Variants in SLC24A3 observed in about 807,000 individuals in gnomAD.
SLC24A3 encodes solute carrier family 24 member 3, also known as sodium/potassium/calcium exchanger 3.
In SLC24A3, 28 loss-of-function variants were observed where a neutral mutation model predicts 75.8. The ratio of observed to expected loss-of-function variants is 0.37; its 90% CI spans 0.27 to 0.51. The LOEUF (loss-of-function observed/expected upper bound fraction) is 0.51. SLC24A3 is among the 20% of genes least tolerant of loss of function. SLC24A3 has a pLI of 0.94. For synonymous variants in SLC24A3, 372 were observed against 334.1 expected (o/e 1.11, Z -1.24); for missense variants, 663 against 847.8 (o/e 0.78, Z 2.71).
In SLC24A3 at chr20:19,640,464, T is replaced by C. The variant is rs6046216; in HGVS notation, c.613-13598T>C. On this transcript the variant is annotated intron_variant, in intron 6 of 16. Coordinates refer to ENST00000328041, the MANE Select transcript of SLC24A3 (RefSeq NM_020689.4). ...TAACTGTAATTGTCAATATCATTTT[T>C]TAAGCAAAAATATTTTTTGTCACAC... Among the ~76,000 whole-genome samples, 526 of 152,292 alleles carry C rather than the reference T, an allele frequency of 3.5e-3. 3 individuals carry two copies. Among genetic ancestry groups the C allele is most frequent in the African/African-American group, 0.012 (508 of 41,558 alleles).
intron 9 of SLC24A3, among the ~76,000 whole-genome samples, chr20:19,677,785 T>C (rs1158811096): frequency 6.6e-6 from 1 of 150,488 alleles, no homozygotes; most frequent in Non-Finnish European, 1.5e-5. Flanking sequence ...AGGACAATAG[T>C]GGAGGGAAGG....
At chr20:19,257,572 C>A (rs1982852995) in intron 1 of SLC24A3, 1 of 152,212 alleles carries the variant, frequency 6.6e-6, no homozygotes, top group South Asian at 2.1e-4. Flanking sequence ...TGGGAAGCAT[C>A]TTTTTACCTT....
chr20:19,551,089 G>A (rs2122598974), intron 3 of SLC24A3, among the ~76,000 whole-genome samples: 1 of 152,340 alleles, frequency 6.6e-6, no homozygotes, highest in African/African-American at 2.4e-5. Context: ...TGGATTCAGA[G>A]GAGCCACTTC....
At position 19,212,922 on chromosome 20, in the gene SLC24A3, T is replaced by C. The variant is rs377191891; in HGVS notation, c.80T>C (p.Leu27Pro). The C allele has an allele frequency of 7.8e-5, 106 of 1,353,496 alleles. No individual in the cohort carries two copies. The highest frequency in any genetic ancestry group is 9.7e-5 in the Non-Finnish European group (102 of 1,049,010). 83.8% of individuals were successfully genotyped at this position (1,353,496 alleles called of 1,614,324 possible). A position where few individuals can be genotyped will look rare whatever the true frequency, so the allele number is the denominator to read the frequency against. ...RRRRDLLLSQ[L>P]CFLASVALLL... ...CGGAGGGACCTTCTGCTGAGCCAGCTCTGCTTCCTGGCCTCGGTGGCGCTG... is the reference window on the plus strand; with the variant it reads ...CGGAGGGACCTTCTGCTGAGCCAGCCCTGCTTCCTGGCCTCGGTGGCGCTG... Residue 27 changes from leucine to proline, a missense_variant, in exon 1 of 17, where the codon CTC (leucine) becomes CCC (proline). Transcript: ENST00000328041.
intron 2 of SLC24A3, among the ~76,000 whole-genome samples, chr20:19,415,656 A>T (rs867231606): frequency 6.6e-6 from 1 of 152,228 alleles, no homozygotes; most frequent in Middle Eastern, 3.4e-3. Flanking sequence ...AAAAAAAAAA[A>T]ACTGAATCTA....
chr20:19,433,697 G>A (rs1253236267), intron 2 of SLC24A3, among the ~76,000 whole-genome samples: 2 of 152,158 alleles, frequency 1.3e-5, no homozygotes, highest in Admixed American at 1.3e-4. Flanking sequence ...GGAGACAACT[G>A]CCACTGAAAA....
chr20:19,395,604 T>C (rs747355730), intron 2 of SLC24A3, among the ~76,000 whole-genome samples: 1 of 152,206 alleles, frequency 6.6e-6, no homozygotes, highest in African/African-American at 2.4e-5. Context: ...ACTCAAATAA[T>C]GACAATGAAA....
intron 6 of SLC24A3, among the ~76,000 whole-genome samples, chr20:19,603,443 C>T (rs185923120): frequency 4.0e-4 from 61 of 152,284 alleles, no homozygotes; most frequent in African/African-American, 1.3e-3. Context: ...GGTTGTTTGC[C>T]GGCTCTTGGT....
intron 9 of SLC24A3, among the ~76,000 whole-genome samples, chr20:19,681,561 C>G (rs2032615519): frequency 6.6e-6 from 1 of 152,166 alleles, no homozygotes; most frequent in Non-Finnish European, 1.5e-5. Flanking sequence ...GAGCTCAATC[C>G]CAGAGAGGCC....
chr20:19,642,086 C>T (rs888326894), intron 6 of SLC24A3, among the ~76,000 whole-genome samples: 1 of 152,098 alleles, frequency 6.6e-6, no homozygotes, highest in African/African-American at 2.4e-5. Context: ...AAAAAAAAGG[C>T]ATGTAAAGTG....
intron 1 of SLC24A3, among the ~76,000 whole-genome samples, chr20:19,228,811 TTTTA>T (rs1461409741): frequency 5.3e-5 from 8 of 152,176 alleles, no homozygotes; most frequent in Non-Finnish European, 1.2e-4. Flanking sequence ...TGATGCTGGA[TTTTA>T]TTTATTTGCA....
chr20:19,597,672 T>C (rs560233119), intron 6 of SLC24A3, among the ~76,000 whole-genome samples: 10 of 152,298 alleles, frequency 6.6e-5, no homozygotes, highest in African/African-American at 2.4e-4. Flanking sequence ...ACTTATTCTT[T>C]TTACCTAATT....
rs147994560 is a variant in SLC24A3, at chr20:19,719,803, C to T, written c.1786-1188C>T. ...ACTGAAGGGCTATGGCTTAGCCAAG[C>T]AAGGACAACCAAGCAAGAGAGAGGC... On this transcript the variant is annotated intron_variant, in intron 16 of 16. Coordinates refer to ENST00000328041, the MANE Select transcript of SLC24A3 (RefSeq NM_020689.4). Among the ~76,000 whole-genome samples, 896 of 152,218 alleles carry T rather than the reference C, an allele frequency of 5.9e-3. 11 individuals carry two copies. The highest frequency in any genetic ancestry group is 0.024 in the Middle Eastern group (7 of 294).
intron 9 of SLC24A3, among the ~76,000 whole-genome samples, chr20:19,680,586 C>T (rs768081334): frequency 3.3e-5 from 5 of 152,188 alleles, no homozygotes; most frequent in Admixed American, 6.5e-5. Flanking sequence ...TTCTACGCTT[C>T]GTGTCTTATG....
intron 2 of SLC24A3, among the ~76,000 whole-genome samples, chr20:19,502,278 T>C (rs1988395596): frequency 6.6e-6 from 1 of 152,128 alleles, no homozygotes. Context: ...GGGAGAGCCC[T>C]ATAATAGACA....
chr20:19,566,626 G>A (rs2328412), intron 3 of SLC24A3, among the ~76,000 whole-genome samples: 90,100 of 152,148 alleles, frequency 0.59, 28,084 homozygotes, highest in Non-Finnish European at 0.67. Flanking sequence ...AACTCATATA[G>A]ATGTAGGAGG....
At chr20:19,591,610 A>C (rs2031378457) in intron 6 of SLC24A3, among the ~76,000 whole-genome samples, 1 of 151,938 alleles carries the variant, frequency 6.6e-6, no homozygotes, top group African/African-American at 2.4e-5. Context: ...CTCATTCCCC[A>C]TCCCCCCATA....
intron 2 of SLC24A3, among the ~76,000 whole-genome samples, chr20:19,488,606 C>T (rs1183179247): frequency 6.6e-6 from 1 of 152,190 alleles, no homozygotes; most frequent in African/African-American, 2.4e-5. Context: ...ATTGGCCAAA[C>T]TACATTTCAA....
chr20:19,462,241 G>A (rs948695331), intron 2 of SLC24A3, among the ~76,000 whole-genome samples: 6 of 151,948 alleles, frequency 3.9e-5, no homozygotes, highest in African/African-American at 9.7e-5. Flanking sequence ...TTCTGATTCC[G>A]TGGGTGTGGG....
Sources: allele counts gnomAD v4.1 joint callset (sites outside exome capture counted in the v4.1 genomes callset), GRCh38; gene constraint gnomAD v4.1.1; transcripts MANE v1.5; gene names NCBI Gene and HGNC (gene_info 2026-07-23, HGNC 2026-07-21).